Variants in RBFOX1 observed in about 807,000 individuals in gnomAD.
The protein encoded by RBFOX1 is RNA binding protein fox-1 homolog 1.
In RBFOX1, 8 loss-of-function variants were observed where a neutral mutation model predicts 57.7. The observed-to-expected ratio is 0.14, with a 90% confidence interval of 0.08 to 0.25. The LOEUF (loss-of-function observed/expected upper bound fraction) is 0.25. Among genes scored for constraint, RBFOX1 ranks in the 10% least tolerant of loss-of-function variants. The probability of loss-of-function intolerance (pLI) is 1.00; values close to 1 mark genes in which losing one functional copy is unlikely to be tolerated. For synonymous variants in RBFOX1, 326 were observed against 222.4 expected, an observed-to-expected ratio of 1.47 and a Z score of -4.15; for missense variants, 611 against 548.5, an observed-to-expected ratio of 1.11 and a Z score of -1.14.
chr16:6,862,399 G>A lies in RBFOX1; in HGVS notation c.-15-189658G>A, dbSNP rs564426665. On this transcript the variant is annotated intron_variant, in intron 3 of 15. Coordinates refer to ENST00000550418, the MANE Select transcript of RBFOX1 (RefSeq NM_018723.4). ...CCCAGAGCAGGTTCAATGAAATGGA[G>A]GAAGAGAGTCAAATAAAAATCCTTT... Among the ~76,000 whole-genome samples, 6 of 152,280 alleles carry A rather than the reference G, an allele frequency of 3.9e-5. No individual in the cohort carries two copies. In the East Asian group the frequency reaches 9.7e-4, roughly 25 times the overall value.
intron 1 of RBFOX1, among the ~76,000 whole-genome samples, chr16:6,058,970 C>G (rs771397527): frequency 4.6e-5 from 7 of 152,220 alleles, no homozygotes; most frequent in Non-Finnish European, 7.3e-5. Flanking sequence ...GAACAACTAA[C>G]TCAGACTCTG....
chr16:6,547,773 A>ATT (rs61126489), intron 2 of RBFOX1, among the ~76,000 whole-genome samples: 3 of 147,728 alleles, frequency 2.0e-5, no homozygotes, highest in East Asian at 2.0e-4. Flanking sequence ...GTCATGTGTG[A>ATT]TTTTTTTTTT....
intron 4 of RBFOX1, among the ~76,000 whole-genome samples, chr16:7,118,091 A>C (rs1478692): frequency 2.6e-5 from 4 of 151,890 alleles, no homozygotes; most frequent in Non-Finnish European, 5.9e-5. Context: ...TGGGTAGATA[A>C]CCAGTAGTGG....
intron 4 of RBFOX1, among the ~76,000 whole-genome samples, chr16:7,182,116 T>A (rs1273658253): frequency 1.3e-5 from 2 of 152,216 alleles, no homozygotes; most frequent in Non-Finnish European, 2.9e-5. Context: ...TCATTGTCAG[T>A]GATTCGTAGT....
intron 4 of RBFOX1, among the ~76,000 whole-genome samples, chr16:7,203,059 TAC>T (rs2089026741): frequency 6.6e-6 from 1 of 152,208 alleles, no homozygotes; most frequent in Non-Finnish European, 1.5e-5. Flanking sequence ...GTGCTGGGAT[TAC>T]AGGCGTGAGC....
intron 4 of RBFOX1, among the ~76,000 whole-genome samples, chr16:7,489,923 A>T (rs2066485442): frequency 6.6e-6 from 1 of 152,096 alleles, no homozygotes; most frequent in East Asian, 1.9e-4. Flanking sequence ...AGTTAAGGTG[A>T]ATTTTCCTTG....
chr16:5,655,064 A>C (rs944718184), intron 3 of RBFOX1, among the ~76,000 whole-genome samples: 3 of 152,204 alleles, frequency 2.0e-5, no homozygotes, highest in African/African-American at 7.2e-5. Flanking sequence ...ACTAGGGCGC[A>C]TCTGTCTCCA....
intron 2 of RBFOX1, among the ~76,000 whole-genome samples, chr16:6,484,748 C>G (rs1458525149): frequency 6.6e-6 from 1 of 152,082 alleles, no homozygotes; most frequent in African/African-American, 2.4e-5. Context: ...ATTGTGAATC[C>G]AAAAGTTTTG....
At position 7,664,371 on chromosome 16, in the gene RBFOX1, G is replaced by T. The variant is rs182214483; in HGVS notation, c.891-558G>T. Among the ~76,000 whole-genome samples the T allele has an allele frequency of 6.4e-3, 980 of 152,142 alleles. 6 individuals are homozygous for T. The highest frequency in any genetic ancestry group is 0.01 in the Non-Finnish European group (682 of 67,992). On this transcript the variant is annotated intron_variant, in intron 12 of 15. Transcript: ENST00000550418. The stretch of plus-strand genomic sequence containing the variant: ...CTCCATTAACCATAAAATAATGCAC[G>T]TGCAATTACCAAATATAATACAATG...
At chr16:6,257,432 A>T (rs968831359) in intron 1 of RBFOX1, among the ~76,000 whole-genome samples, 14 of 151,336 alleles carry the variant, frequency 9.3e-5, no homozygotes, top group Non-Finnish European at 1.2e-4. Flanking sequence ...CTTTTTTTTT[A>T]AACTTTTAAG....
chr16:7,458,844 C>T (rs2059025468), intron 4 of RBFOX1, among the ~76,000 whole-genome samples: 1 of 152,174 alleles, frequency 6.6e-6, no homozygotes, highest in South Asian at 2.1e-4. Flanking sequence ...TGCTTATCAC[C>T]ATTTGACATA....
chr16:5,972,413 G>A (rs904093765), intron 4 of RBFOX1, among the ~76,000 whole-genome samples: 3 of 152,192 alleles, frequency 2.0e-5, no homozygotes, highest in Admixed American at 6.5e-5. Flanking sequence ...CCTCTGTTTT[G>A]AAAGAAACCT....
At chr16:7,055,697 T>C (rs7191586) in intron 4 of RBFOX1, among the ~76,000 whole-genome samples, 2,703 of 152,316 alleles carry the variant, frequency 0.018, 77 homozygotes, top group African/African-American at 0.061. Context: ...ACAGCAGTTA[T>C]GATTCATTTG....
At chr16:6,853,324 G>A (rs1166732025) in intron 3 of RBFOX1, among the ~76,000 whole-genome samples, 5 of 152,174 alleles carry the variant, frequency 3.3e-5, no homozygotes, top group African/African-American at 1.2e-4. Context: ...GATGGTGGTG[G>A]TAGTGGTGGT....
chr16:7,081,081 C>T (rs1011270548), intron 4 of RBFOX1, among the ~76,000 whole-genome samples: 4 of 152,222 alleles, frequency 2.6e-5, no homozygotes, highest in Non-Finnish European at 5.9e-5. Context: ...GTCACCAAGG[C>T]TGGAGTGCAG....
rs185794987 is a variant in RBFOX1, at chr16:7,050,560, C to T, written c.-15-1497C>T. On this transcript the variant is annotated intron_variant, in intron 3 of 15. Coordinates refer to ENST00000550418, the MANE Select transcript of RBFOX1 (RefSeq NM_018723.4). Reference sequence around the variant, plus strand: ...GGATTACAGGCATGAGCAACCGTGCCTGGCCTTCCTTCATTTTCTTTAATG... The same window carrying T: ...GGATTACAGGCATGAGCAACCGTGCTTGGCCTTCCTTCATTTTCTTTAATG... Among the ~76,000 whole-genome samples the T allele has an allele frequency of 5.6e-4, 85 of 152,288 alleles. 1 individual carries two copies. Among genetic ancestry groups the T allele is most frequent in the African/African-American group, 2.0e-3 (83 of 41,562 alleles).
chr16:7,360,900 T>G (rs1323292661), intron 4 of RBFOX1, among the ~76,000 whole-genome samples: 1 of 152,238 alleles, frequency 6.6e-6, no homozygotes, highest in East Asian at 1.9e-4. Flanking sequence ...AGTCCCTGAA[T>G]GTATCCTTAT....
intron 1 of RBFOX1, among the ~76,000 whole-genome samples, chr16:6,271,585 T>A (rs2075224409): frequency 6.6e-6 from 1 of 152,070 alleles, no homozygotes; most frequent in African/African-American, 2.4e-5. Context: ...GCAAAACTGA[T>A]AGAGAGATGA....
chr16:5,976,807 T>C (rs539710013), intron 4 of RBFOX1, among the ~76,000 whole-genome samples: 1 of 152,280 alleles, frequency 6.6e-6, no homozygotes, highest in Admixed American at 6.5e-5. Flanking sequence ...AGGTGGAGGT[T>C]GCAGTGAGCC....
Sources: allele counts gnomAD v4.1 joint callset (sites outside exome capture counted in the v4.1 genomes callset), GRCh38; gene constraint gnomAD v4.1.1; transcripts MANE v1.5; gene names NCBI Gene and HGNC (gene_info 2026-07-23, HGNC 2026-07-21).